The following RYK variants were observed in gnomAD, a reference collection of about 807,000 sequenced individuals.
RYK encodes inactive tyrosine-protein kinase RYK.
RYK carries 21 observed loss-of-function variants against 70.2 expected under a neutral mutation model. The ratio of observed to expected loss-of-function variants is 0.30; its 90% CI spans 0.21 to 0.43. The LOEUF is 0.43. Among genes scored for constraint, RYK ranks in the 20% least tolerant of loss-of-function variants. The pLI is 1.00. For synonymous variants in RYK, 267 were observed against 278.0 expected (o/e 0.96, Z 0.39); for missense variants, 604 against 753.3 (o/e 0.80, Z 2.32).
At chr3:134,248,264 AC>A (rs1327414620) in intron 1 of RYK, among the ~76,000 whole-genome samples, 1 of 152,144 alleles carries the variant, frequency 6.6e-6, no homozygotes, top group Non-Finnish European at 1.5e-5. Flanking sequence ...GTTAATTGAA[AC>A]AATGCTTCCT....
rs578154892 is a variant in RYK at position 134,203,176 on chromosome 3, C to T, written c.644-302G>A. 5.9e-5 allele frequency among the ~76,000 whole-genome samples: 9 copies of T among 152,192 alleles called. No individual in the cohort carries two copies. In the South Asian group the frequency reaches 1.2e-3, roughly 21 times the overall value. On this transcript the variant is annotated intron_variant, in intron 5 of 14. Transcript: ENST00000623711. The stretch of plus-strand genomic sequence containing the variant: ...CACCCTGGCCAATATGGTGAAACCC[C>T]GCCTCTACTAAAAGTACGAAAATTA...
chr3:134,200,941 C>T (rs761326992), intron 6 of RYK, among the ~76,000 whole-genome samples: 4 of 152,226 alleles, frequency 2.6e-5, no homozygotes, highest in Non-Finnish European at 5.9e-5. Flanking sequence ...TTTCAGCAGG[C>T]AGAGGTAGAT....
intron 9 of RYK, among the ~76,000 whole-genome samples, chr3:134,186,373 TA>T (rs531559834): frequency 6.2e-4 from 95 of 152,384 alleles, no homozygotes; most frequent in African/African-American, 2.1e-3. Context: ...ACTGTTTTTT[TA>T]TTTTATGCTA....
intron 1 of RYK, among the ~76,000 whole-genome samples, chr3:134,223,683 A>G (rs747968912): frequency 7.2e-5 from 11 of 152,142 alleles, no homozygotes; most frequent in Non-Finnish European, 1.3e-4. Flanking sequence ...GCAGGGAGTA[A>G]CTTTCTCTTG....
chr3:134,185,813 T>A (rs2013441365), intron 9 of RYK, among the ~76,000 whole-genome samples: 1 of 152,222 alleles, frequency 6.6e-6, no homozygotes, highest in Non-Finnish European at 1.5e-5. Flanking sequence ...TTTCAGAATG[T>A]GTCATTTTAT....
intron 9 of RYK, among the ~76,000 whole-genome samples, chr3:134,184,353 T>G (rs553383231): frequency 1.7e-4 from 26 of 152,356 alleles, no homozygotes; most frequent in Admixed American, 1.4e-3. Context: ...AAAGGAATTT[T>G]TAAGCCTTCA....
At chr3:134,158,692 G>A (rs2012336157) in intron 14 of RYK, among the ~76,000 whole-genome samples, 4 of 152,152 alleles carry the variant, frequency 2.6e-5, no homozygotes, top group South Asian at 4.1e-4. Context: ...TTCTGGAACT[G>A]AGAATATACT....
At chr3:134,203,657 AT>A (rs1462273582) in intron 5 of RYK, among the ~76,000 whole-genome samples, 1 of 152,216 alleles carries the variant, frequency 6.6e-6, no homozygotes, top group Non-Finnish European at 1.5e-5. Context: ...AAGAAAAAAG[AT>A]TTTAAATAGA....
At chr3:134,235,316 T>C (rs531852741) in intron 1 of RYK, among the ~76,000 whole-genome samples, 1 of 151,590 alleles carries the variant, frequency 6.6e-6, no homozygotes, top group Admixed American at 6.6e-5. Flanking sequence ...TTTTTCTTCT[T>C]TACAAATATT....
intron 13 of RYK, among the ~76,000 whole-genome samples, chr3:134,172,546 A>T (rs2012953371): frequency 6.6e-6 from 1 of 152,250 alleles, no homozygotes; most frequent in South Asian, 2.1e-4. Flanking sequence ...GTCATTCAGT[A>T]CAGCAGCTGT....
intron 2 of RYK, among the ~76,000 whole-genome samples, 191 bp from the exon 3 acceptor site, chr3:134,211,798 A>G (rs2014405173): frequency 6.6e-6 from 1 of 152,230 alleles, no homozygotes; most frequent in African/African-American, 2.4e-5. Flanking sequence ...TCAACCAAGT[A>G]AGCCACCCTC....
At chr3:134,215,308 G>GT (rs2014518759) in intron 2 of RYK, among the ~76,000 whole-genome samples, 1 of 152,226 alleles carries the variant, frequency 6.6e-6, no homozygotes, top group African/African-American at 2.4e-5. Context: ...AAATGAGGCT[G>GT]TGAGTGTAGC....
intron 1 of RYK, among the ~76,000 whole-genome samples, chr3:134,240,734 T>TCCTA (rs2015302809): frequency 6.6e-6 from 1 of 152,030 alleles, no homozygotes. Context: ...AGTCTAGAGG[T>TCCTA]CCTAGCACAG....
intron 6 of RYK, among the ~76,000 whole-genome samples, chr3:134,199,770 T>G (rs766918885): frequency 7.2e-5 from 11 of 152,086 alleles, no homozygotes; most frequent in Non-Finnish European, 1.0e-4. Context: ...CCATCACTAC[T>G]AGTGAGAGGT....
At chr3:134,166,495 T>C (rs554869857) in intron 13 of RYK, among the ~76,000 whole-genome samples, 2 of 152,368 alleles carry the variant, frequency 1.3e-5, no homozygotes, top group African/African-American at 4.8e-5. Flanking sequence ...CAGAGTGTTA[T>C]ACGTGATTGA....
At chr3:134,197,946 C>A (rs1011162819) in intron 6 of RYK, among the ~76,000 whole-genome samples, 2 of 152,162 alleles carry the variant, frequency 1.3e-5, no homozygotes, top group Non-Finnish European at 2.9e-5. Flanking sequence ...TTTTCATTCC[C>A]TCAACAGATA....
At chr3:134,183,160 ACT>A in intron 9 of RYK, 89 bp from the exon 10 acceptor site, 1 of 690,846 alleles carries the variant, frequency 1.4e-6, no homozygotes. Flanking sequence ...ATTATCTTGA[ACT>A]ATAAGGTACA....
chr3:134,221,363 C>T lies in RYK; in HGVS notation c.354+1055G>A, dbSNP rs560759610. Among the ~76,000 whole-genome samples, 3 of 151,638 alleles carry T rather than the reference C, an allele frequency of 2.0e-5. No individual in the cohort carries two copies. In the South Asian group the frequency reaches 6.3e-4, roughly 32 times the overall value. ...GGGAATACAGGTGTGTGCCACCACACCTCGCTAATTTTCGTATTTTTAGTA... is the reference window on the plus strand; with the variant it reads ...GGGAATACAGGTGTGTGCCACCACATCTCGCTAATTTTCGTATTTTTAGTA... On this transcript the variant is annotated intron_variant, in intron 2 of 14. Coordinates refer to ENST00000623711, the MANE Select transcript of RYK (RefSeq NM_002958.4).
chr3:134,158,021 T>C lies in RYK; in HGVS notation c.*132A>G. ...CTTAAAAAGTTCAGATTCTAAAGCA[T>C]TTCTAAGGCACGGTGTTCTGGAAGA... is the stretch of plus-strand genomic sequence containing the variant. On this transcript the variant is annotated 3_prime_UTR_variant, in exon 15 of 15. Transcript: ENST00000623711. The C allele has an allele frequency of 2.4e-6, 1 of 421,958 alleles. No homozygotes were observed. Among genetic ancestry groups the C allele is most frequent in the South Asian group, 1.2e-4 (1 of 8,372 alleles). The allele number at this position is 421,958 out of a possible 1,614,324, so 26.1% of individuals were successfully genotyped here.
Sources: allele counts gnomAD v4.1 joint callset (sites outside exome capture counted in the v4.1 genomes callset), GRCh38; gene constraint gnomAD v4.1.1; transcripts MANE v1.5; gene names NCBI Gene and HGNC (gene_info 2026-07-23, HGNC 2026-07-21).